The following PRDM11 variants were observed in gnomAD, a reference collection of about 807,000 sequenced individuals.
PRDM11 encodes the protein PR domain-containing protein 11.
A neutral mutation model predicts 97.8 loss-of-function variants in PRDM11; 20 were observed. The observed-to-expected ratio is 0.20, with a 90% CI of 0.14 to 0.30. The LOEUF is 0.30. Ranked by LOEUF, PRDM11 falls within the 10% of genes least tolerant of loss-of-function variation. PRDM11 has a pLI of 1.00. For synonymous variants in PRDM11, 599 were observed against 637.7 expected (o/e 0.94, Z 0.91); for missense variants, 1,139 against 1,555.2 (o/e 0.73, Z 4.50).
Position 45,229,116 on chromosome 11 carries a change from A to C in PRDM11, c.*957A>C, listed in dbSNP as rs1442671312. On this transcript the variant is annotated 3_prime_UTR_variant, in exon 8 of 8. Coordinates refer to ENST00000683152, the MANE Select transcript of PRDM11 (RefSeq NM_001384648.1). ...GGGAGTGATTTTTGGCTAAAAAACAAGGAAAATGAAAAGTACATATTCGAG... is the reference window on the plus strand; with the variant it reads ...GGGAGTGATTTTTGGCTAAAAAACACGGAAAATGAAAAGTACATATTCGAG... 6.6e-6 allele frequency: 1 copy of C among 152,242 alleles called. No homozygotes were observed. The highest frequency in any genetic ancestry group is 2.4e-5 in the African/African-American group (1 of 41,464). 9.4% of individuals were successfully genotyped at this position (152,242 alleles called of 1,614,324 possible). A position where few individuals can be genotyped will look rare whatever the true frequency, so the allele number is the denominator to read the frequency against.
intron 4 of PRDM11, among the ~76,000 whole-genome samples, chr11:45,188,836 C>T (rs374007424): frequency 6.9e-4 from 105 of 152,300 alleles, no homozygotes; most frequent in African/African-American, 2.2e-3. Context: ...GGGGGTGCTG[C>T]GCAGCCATGT....
intron 1 of PRDM11, among the ~76,000 whole-genome samples, chr11:45,127,249 C>G (rs991522134): frequency 4.4e-4 from 67 of 152,230 alleles, no homozygotes; most frequent in African/African-American, 1.6e-3. Context: ...TAATTTTTTT[C>G]AAAGTTTTTA....
chr11:45,154,372 A>G (rs971477522), intron 1 of PRDM11, among the ~76,000 whole-genome samples: 5 of 152,178 alleles, frequency 3.3e-5, no homozygotes, highest in African/African-American at 4.8e-5. Context: ...TAATAAATCA[A>G]TAAAAGTAGG....
rs1327663972 is a variant in PRDM11, at chr11:45,228,046, T to C, written c.3421T>C (p.Ser1141Pro). Residue 1141 changes from serine (S) to proline (P), a missense_variant, in exon 8 of 8, where the codon TCT becomes CCT. Ser to Pro is a moderately conservative substitution (Grantham distance 74, BLOSUM62 -1). Around this residue, in one of 2 missense-constraint regions of PRDM11, gnomAD observed 710 missense variants for 1,044.9 expected, o/e 0.68. Transcript: ENST00000683152. The stretch of plus-strand genomic sequence containing the variant: ...CCTGGACAGCTGGTTTGAGGAGAAG[T>C]CTGGGAACAGTTACGCGCTGTCTGC... ...RALDSWFEEK[S>P]GNSYALSAEV... The C allele has an allele frequency of 7.2e-6, 11 of 1,533,616 alleles. No individual in the cohort carries two copies. The highest frequency in any genetic ancestry group is 2.7e-5 in the African/African-American group (2 of 72,898).
At chr11:45,203,461 T>G (rs577008265) in intron 4 of PRDM11, among the ~76,000 whole-genome samples, 2 of 148,044 alleles carry the variant, frequency 1.4e-5, no homozygotes, top group Non-Finnish European at 3.0e-5. Flanking sequence ...TGGAAAAACC[T>G]CAGTAGATGG....
At chr11:45,097,414 C>T (rs765771636) in intron 1 of PRDM11, among the ~76,000 whole-genome samples, 1 of 152,166 alleles carries the variant, frequency 6.6e-6, no homozygotes, top group Non-Finnish European at 1.5e-5. Context: ...GGCAGAATTG[C>T]CAGCACATTT....
intron 5 of PRDM11, 78 bp downstream of exon 5, chr11:45,204,856 G>A: frequency 1.4e-6 from 2 of 1,448,570 alleles, no homozygotes. Flanking sequence ...TTGGACCTGT[G>A]GGAGCTCCAG....
intron 7 of PRDM11, 55 bp downstream of exon 7, chr11:45,224,898 G>A (rs1474694309): frequency 5.6e-6 from 9 of 1,603,248 alleles, no homozygotes; most frequent in Non-Finnish European, 7.6e-6. Flanking sequence ...AGTGGGCTGT[G>A]TGGAGGGTAG....
chr11:45,100,543 A>G (rs1851955250), intron 1 of PRDM11, among the ~76,000 whole-genome samples: 2 of 152,032 alleles, frequency 1.3e-5, no homozygotes, highest in South Asian at 4.2e-4. Flanking sequence ...ATACCCACCC[A>G]CTGGTGCTCA....
intron 4 of PRDM11, among the ~76,000 whole-genome samples, chr11:45,189,569 G>A (rs1852836060): frequency 6.6e-6 from 1 of 152,226 alleles, no homozygotes; most frequent in African/African-American, 2.4e-5. Context: ...AGGACACTGT[G>A]TGGTGGAATT....
intron 1 of PRDM11, among the ~76,000 whole-genome samples, chr11:45,134,621 C>G (rs577937956): frequency 2.8e-4 from 40 of 141,782 alleles, no homozygotes; most frequent in African/African-American, 9.2e-4. Context: ...ATCGCTTGAG[C>G]CTGGGAGGTC....
intron 6 of PRDM11, among the ~76,000 whole-genome samples, chr11:45,222,302 A>C (rs993387433): frequency 6.6e-6 from 1 of 152,234 alleles, no homozygotes; most frequent in African/African-American, 2.4e-5. Flanking sequence ...CACAAAGATC[A>C]TACTAAGAAA....
At chr11:45,202,152 T>C (rs1037890832) in intron 4 of PRDM11, among the ~76,000 whole-genome samples, 2 of 152,198 alleles carry the variant, frequency 1.3e-5, no homozygotes, top group African/African-American at 2.4e-5. Context: ...AGGCTCTTTT[T>C]CCCATCATTC....
intron 5 of PRDM11, among the ~76,000 whole-genome samples, chr11:45,210,177 C>T (rs1853675277): frequency 6.6e-6 from 1 of 152,180 alleles, no homozygotes; most frequent in Non-Finnish European, 1.5e-5. Context: ...ATTATTACTC[C>T]CCTGCCTGAG....
chr11:45,116,175 C>T (rs753438310), intron 1 of PRDM11, among the ~76,000 whole-genome samples: 4 of 152,064 alleles, frequency 2.6e-5, no homozygotes, highest in Non-Finnish European at 5.9e-5. Flanking sequence ...GAGAAATAGA[C>T]AAAATGTACA....
Position 45,181,818 on chromosome 11 carries a change from G to T in PRDM11, c.52G>T (p.Asp18Tyr). The T allele has an allele frequency of 6.2e-7, 1 of 1,613,692 alleles. No homozygotes were observed. The highest frequency in any genetic ancestry group is 8.5e-7 in the Non-Finnish European group (1 of 1,179,976). ...GGCCCAGACCAATGCAGCCGTGGGG[G>T]ATATGGTGACGGTGGTGAAGACGGA... ...CLAQTNAAVGDMVTVVKTEVC... is the reference protein window; with the variant it reads ...CLAQTNAAVGYMVTVVKTEVC... Residue 18 changes from aspartate (D) to tyrosine (Y), a missense_variant, in exon 2 of 8, where the codon GAT becomes TAT. By Grantham distance (160) the Asp-to-Tyr change is radical (BLOSUM62 -3). Transcript: ENST00000683152.
chr11:45,196,111 C>T (rs1057023458), intron 4 of PRDM11, among the ~76,000 whole-genome samples: 3 of 152,162 alleles, frequency 2.0e-5, no homozygotes, highest in South Asian at 2.1e-4. Flanking sequence ...AGCAGCTGAT[C>T]AATTTTGCTT....
intron 5 of PRDM11, among the ~76,000 whole-genome samples, chr11:45,216,476 G>A (rs1280508298): frequency 6.6e-6 from 1 of 152,170 alleles, no homozygotes; most frequent in African/African-American, 2.4e-5. Flanking sequence ...GAAGGGTTCT[G>A]GGGGGTGGTC....
chr11:45,113,085 G>T (rs11038302), intron 1 of PRDM11, among the ~76,000 whole-genome samples: 50,599 of 152,138 alleles, frequency 0.33, 9,522 homozygotes, highest in African/African-American at 0.49. Context: ...ATGGTTTCAG[G>T]TCTTGGATTT....
Sources: allele counts gnomAD v4.1 joint callset (sites outside exome capture counted in the v4.1 genomes callset), GRCh38; gene constraint gnomAD v4.1.1; regional missense constraint gnomAD v4.1.1; transcripts MANE v1.5; gene names NCBI Gene and HGNC (gene_info 2026-07-23, HGNC 2026-07-21).